IFNGR2: variants seen among roughly 807,000 people sequenced by gnomAD.
The protein encoded by IFNGR2 is IFN-gamma receptor 2.
Under a neutral mutation model 41.1 loss-of-function variants are expected in IFNGR2, and 15 were observed. The ratio of observed to expected loss-of-function variants is 0.37; its 90% CI spans 0.24 to 0.56. IFNGR2 has a LOEUF of 0.56. Ranked by LOEUF, IFNGR2 falls within the 20% of genes least tolerant of loss-of-function variation. IFNGR2 has a pLI of 0.81. For missense variants in IFNGR2, 362 were observed against 415.7 expected, an observed-to-expected ratio of 0.87 and a Z score of 1.12; for synonymous variants, 161 against 171.6, an observed-to-expected ratio of 0.94 and a Z score of 0.48.
At chr21:33,431,878 G>A (rs1302158744) in intron 4 of IFNGR2, among the ~76,000 whole-genome samples, 1 of 152,202 alleles carries the variant, frequency 6.6e-6, no homozygotes, top group Non-Finnish European at 1.5e-5. Flanking sequence ...AGCCCAAAAT[G>A]TTAAAGGAGA....
intron 1 of IFNGR2, 148 bp from the exon 2 acceptor site, chr21:33,414,740 C>A: frequency 1.0e-6 from 1 of 954,808 alleles, no homozygotes; most frequent in Non-Finnish European, 1.6e-6. Flanking sequence ...TGGGGCCATG[C>A]CCAGGGGGAC....
intron 6 of IFNGR2, among the ~76,000 whole-genome samples, chr21:33,433,441 G>C (rs2083910210): frequency 6.6e-6 from 1 of 152,232 alleles, no homozygotes; most frequent in South Asian, 2.1e-4. Flanking sequence ...CCTTAGAAAG[G>C]AAGGGGATTG....
At chr21:33,403,844 G>T (rs1192808112) in intron 1 of IFNGR2, among the ~76,000 whole-genome samples, 1 of 152,118 alleles carries the variant, frequency 6.6e-6, no homozygotes, top group African/African-American at 2.4e-5. Context: ...AGAGGGGCCC[G>T]CTGGGAGCCC....
intron 4 of IFNGR2, 68 bp from the exon 5 acceptor site, chr21:33,432,109 C>A: frequency 7.1e-7 from 1 of 1,399,070 alleles, no homozygotes; most frequent in Non-Finnish European, 1.0e-6. Context: ...TTTGAGGAAA[C>A]ATCAGAAAAG....
chr21:33,404,102 A>G (rs1158650423), intron 1 of IFNGR2, among the ~76,000 whole-genome samples: 1 of 152,242 alleles, frequency 6.6e-6, no homozygotes, highest in Non-Finnish European at 1.5e-5. Context: ...AATTGAATCC[A>G]GGGCTCCGGC....
At chr21:33,434,730 A>AGGTACACAGGCAGTATACAGATTC (rs1261208564) in intron 6 of IFNGR2, among the ~76,000 whole-genome samples, 4 of 152,180 alleles carry the variant, frequency 2.6e-5, no homozygotes, top group Admixed American at 2.6e-4. Context: ...GATGTATTGT[A>AGGTACACAGGCAGTATACAGATTC]GGTACACAGG....
At chr21:33,416,180 T>C (rs2083751724) in intron 2 of IFNGR2, among the ~76,000 whole-genome samples, 1 of 152,046 alleles carries the variant, frequency 6.6e-6, no homozygotes, top group African/African-American at 2.4e-5. Context: ...AGTTTTATCC[T>C]ACACAGATAA....
chr21:33,408,565 G>A (rs2083694353), intron 1 of IFNGR2, among the ~76,000 whole-genome samples: 1 of 152,176 alleles, frequency 6.6e-6, no homozygotes, highest in South Asian at 2.1e-4. Flanking sequence ...AAGGTGTTGG[G>A]ATGGGTCAGG....
At chr21:33,413,926 G>A (rs1395485132) in intron 1 of IFNGR2, among the ~76,000 whole-genome samples, 1 of 139,738 alleles carries the variant, frequency 7.2e-6, no homozygotes, top group Non-Finnish European at 1.5e-5. Flanking sequence ...TCTGCCTCCT[G>A]GGTTCAAGCG....
chr21:33,403,303 T>C (rs1208052889), upstream of IFNGR2: 1 of 157,824 alleles, frequency 6.3e-6, no homozygotes, highest in Admixed American at 6.6e-5. Flanking sequence ...AGGGCCGCGG[T>C]TCCCGGAGCG....
At chr21:33,421,363 T>A (rs1438163468) in intron 2 of IFNGR2, 117 bp from the exon 3 acceptor site, 1 of 730,176 alleles carries the variant, frequency 1.4e-6, no homozygotes, top group Non-Finnish European at 2.4e-6. Flanking sequence ...GGGGGGGAAC[T>A]GTATGGTACA....
intron 1 of IFNGR2, among the ~76,000 whole-genome samples, chr21:33,410,413 C>T (rs1351407444): frequency 6.6e-6 from 1 of 151,738 alleles, no homozygotes; most frequent in African/African-American, 2.4e-5. Flanking sequence ...GATCCACCCA[C>T]CTTGGCCTCC....
At chr21:33,415,234 G>A (rs558209996) in intron 2 of IFNGR2, among the ~76,000 whole-genome samples, 4 of 152,310 alleles carry the variant, frequency 2.6e-5, no homozygotes, top group East Asian at 3.9e-4. Flanking sequence ...TCAGGACTCC[G>A]CTGTCTAACC....
rs1225637683 is a variant in IFNGR2 at position 33,426,912 on chromosome 21, G to C, written c.441G>C (p.Glu147Asp). Residue 147 changes from glutamate (E) to aspartate (D), a missense_variant, in exon 4 of 7, where the codon GAG becomes GAC. Physicochemically the swap from Glu to Asp is conservative, Grantham distance 45. Transcript: ENST00000290219. Reference protein sequence around the residue: ...NVTVGPPENIEVTPGEGSLII... With the variant: ...NVTVGPPENIDVTPGEGSLII... ...CTGTCGGGCCTCCAGAAAACATTGA[G>C]GTGACCCCAGGAGAAGGCTCCCTCA... 6.2e-7 allele frequency: 1 copy of C among 1,613,498 alleles called. No individual in the cohort carries two copies. The highest frequency in any genetic ancestry group is 1.7e-5 in the Admixed American group (1 of 59,910).
Position 33,421,357 on chromosome 21 carries a change from G to T in IFNGR2, c.207-123G>T, listed in dbSNP as rs121913197. On this transcript the variant is annotated intron_variant, in intron 2 of 6. Coordinates refer to ENST00000290219, the MANE Select transcript of IFNGR2 (RefSeq NM_005534.4). Reference sequence around the variant, plus strand: ...AAAAAAAAAAAAAAAAAAAGCGGGGGGGAACTGTATGGTACATATAAATTG... The same window carrying T: ...AAAAAAAAAAAAAAAAAAAGCGGGGTGGAACTGTATGGTACATATAAATTG... The T allele has an allele frequency of 1.1e-5, 8 of 716,040 alleles. No homozygotes were observed. The African/African-American group carries it at 1.4e-4, about 13-fold the overall frequency. The allele number at this position is 716,040 out of a possible 1,614,324, so 44.4% of individuals were successfully genotyped here. A position where few individuals can be genotyped will look rare whatever the true frequency, so the allele number is the denominator to read the frequency against.
At chr21:33,408,386 G>A (rs551384035) in intron 1 of IFNGR2, among the ~76,000 whole-genome samples, 1 of 152,218 alleles carries the variant, frequency 6.6e-6, no homozygotes, top group South Asian at 2.1e-4. Context: ...AGTAGAGACA[G>A]GGTTTCACCA....
rs1301641576 is a variant in IFNGR2 at position 33,404,116 on chromosome 21, G to A, written c.73+500G>A. 2.0e-5 allele frequency among the ~76,000 whole-genome samples: 3 copies of A among 152,390 alleles called. No homozygotes were observed. The East Asian group carries it at 5.8e-4, about 29-fold the overall frequency. On this transcript the variant is annotated intron_variant, in intron 1 of 6. Coordinates refer to ENST00000290219, the MANE Select transcript of IFNGR2 (RefSeq NM_005534.4). ...AAATTGAATCCAGGGCTCCGGCGGG[G>A]GCCGCCTTTGCTGGCCACTGGTTCT... is the stretch of plus-strand genomic sequence containing the variant.
intron 1 of IFNGR2, among the ~76,000 whole-genome samples, chr21:33,405,307 A>G (rs989730368): frequency 6.6e-6 from 1 of 152,078 alleles, no homozygotes. Context: ...TTCTACCGGC[A>G]TTCCTTGCAA....
intron 2 of IFNGR2, 49 bp downstream of exon 2, chr21:33,415,069 G>A (rs1190665611): frequency 3.1e-6 from 5 of 1,609,910 alleles, no homozygotes; most frequent in South Asian, 2.2e-5. Flanking sequence ...TGGGGGCATC[G>A]TGCGGAACCC....
Sources: gnomAD v4.1 joint callset for allele counts (sites outside exome capture counted in the v4.1 genomes callset) on GRCh38, gnomAD v4.1.1 for gene constraint, MANE v1.5 for transcripts, NCBI Gene and HGNC (gene_info 2026-07-23, HGNC 2026-07-21) for gene names.